The following COL4A1 variants were observed in gnomAD, a reference collection of about 807,000 sequenced individuals.
The protein encoded by COL4A1 is collagen type IV alpha 1 chain, also known as collagen alpha-1(IV) chain.
Under a neutral mutation model 216.6 loss-of-function variants are expected in COL4A1, and 40 were observed. The ratio of observed to expected loss-of-function variants is 0.18; its 90% CI spans 0.14 to 0.24. The LOEUF is 0.24. COL4A1 is among the 10% of genes least tolerant of loss of function. The pLI is 1.00. For missense variants in COL4A1, 1,628 were observed against 2,196.8 expected, an observed-to-expected ratio of 0.74 and a Z score of 5.18; for synonymous variants, 839 against 810.7, an observed-to-expected ratio of 1.03 and a Z score of -0.59.
At chr13:110,232,523 T>C (rs551165554) in intron 2 of COL4A1, among the ~76,000 whole-genome samples, 1 of 152,320 alleles carries the variant, frequency 6.6e-6, no homozygotes, top group East Asian at 1.9e-4. Flanking sequence ...GTTTGTTTTA[T>C]GTTAAGTCTT....
chr13:110,278,617 T>C (rs2139297513), intron 1 of COL4A1, among the ~76,000 whole-genome samples: 2 of 152,326 alleles, frequency 1.3e-5, no homozygotes, highest in South Asian at 4.1e-4. Context: ...TTAAAAAGGC[T>C]TTCCTCCCCA....
At position 110,203,599 on chromosome 13, in the gene COL4A1, C is replaced by T. The variant is rs372969177; in HGVS notation, c.966G>A (p.Lys322=). 3.5e-5 allele frequency: 57 copies of T among 1,614,190 alleles called. No homozygotes were observed. In the African/African-American group the frequency reaches 6.9e-4, roughly 20 times the overall value. Residue 322 remains lysine (K), a synonymous_variant, in exon 18 of 52, where the codon AAG becomes AAA. Coordinates refer to ENST00000375820, the MANE Select transcript of COL4A1 (RefSeq NM_001845.6). Reference sequence around the variant, plus strand: ...GTGGGCCAGGAGGACCTGCTTCACCCTTTTCTCCCTACAAAAGAAAAAATA... The same window carrying T: ...GTGGGCCAGGAGGACCTGCTTCACCTTTTTCTCCCTACAAAAGAAAAAATA... ...LIGRQGPQGE[K]GEAGPPGPPG... is the part of the protein sequence containing the mutation.
chr13:110,172,067 G>C (rs1047452027), intron 41 of COL4A1, among the ~76,000 whole-genome samples: 3 of 152,220 alleles, frequency 2.0e-5, no homozygotes, highest in Non-Finnish European at 4.4e-5. Context: ...GCCTTCCAGG[G>C]CTTTCTGAAT....
intron 1 of COL4A1, among the ~76,000 whole-genome samples, chr13:110,245,498 T>C (rs565730804): frequency 6.6e-6 from 1 of 152,234 alleles, no homozygotes; most frequent in African/African-American, 2.4e-5. Context: ...CCTGAAGTAG[T>C]GTGGATTTTC....
chr13:110,177,048 A>C lies in COL4A1; in HGVS notation c.2717-11T>G. 6.2e-7 allele frequency: 1 copy of C among 1,613,602 alleles called. No individual in the cohort carries two copies. The highest frequency in any genetic ancestry group is 8.5e-7 in the Non-Finnish European group (1 of 1,179,992). The stretch of plus-strand genomic sequence containing the variant: ...GAAAGCCATGGTCCCCTGCAGAGGA[A>C]AGAGAAGGCACTGGTGAGCCTGGGC... On this transcript the variant is annotated splice_polypyrimidine_tract_variant and intron_variant, in intron 33 of 51. Transcript: ENST00000375820.
At chr13:110,232,275 C>T (rs1881097713) in intron 2 of COL4A1, among the ~76,000 whole-genome samples, 1 of 152,218 alleles carries the variant, frequency 6.6e-6, no homozygotes, top group African/African-American at 2.4e-5. Context: ...GTCCCCAGAG[C>T]CATCTGGTTT....
At chr13:110,253,784 C>T (rs1413235169) in intron 1 of COL4A1, among the ~76,000 whole-genome samples, 3 of 89,154 alleles carry the variant, frequency 3.4e-5, no homozygotes, top group South Asian at 3.7e-4. Flanking sequence ...ATTATATATA[C>T]GTATAATTAT....
intron 1 of COL4A1, among the ~76,000 whole-genome samples, chr13:110,290,279 G>A (rs758404812): frequency 6.6e-6 from 1 of 152,182 alleles, no homozygotes; most frequent in Non-Finnish European, 1.5e-5. Flanking sequence ...ACAAGCGCTC[G>A]GCAGGCGGCT....
intron 32 of COL4A1, 51 bp from the exon 33 acceptor site, chr13:110,177,982 A>G (rs780508515): frequency 6.2e-7 from 1 of 1,613,968 alleles, no homozygotes; most frequent in South Asian, 1.1e-5. Flanking sequence ...GAATGCTGAC[A>G]GTAAATGCTG....
At chr13:110,228,765 C>T (rs552372177) in intron 2 of COL4A1, among the ~76,000 whole-genome samples, 4 of 152,196 alleles carry the variant, frequency 2.6e-5, no homozygotes, top group Non-Finnish European at 5.9e-5. Flanking sequence ...GAAATCAGAA[C>T]AGCTAGTTAA....
chr13:110,190,617 C>T (rs1032761590), intron 24 of COL4A1: 1 of 152,184 alleles, frequency 6.6e-6, no homozygotes, highest in Non-Finnish European at 1.5e-5. Context: ...CCTGTGTGCT[C>T]GTTTATGGAT....
intron 1 of COL4A1, among the ~76,000 whole-genome samples, chr13:110,280,859 C>T (rs183392593): frequency 1.1e-4 from 17 of 152,190 alleles, no homozygotes; most frequent in African/African-American, 2.4e-4. Flanking sequence ...GAAATACATC[C>T]GAGATCTGGC....
chr13:110,177,123 G>T, intron 33 of COL4A1, 86 bp from the exon 34 acceptor site: 1 of 1,589,822 alleles, frequency 6.3e-7, no homozygotes, highest in Non-Finnish European at 8.5e-7. Flanking sequence ...GACAGGGACA[G>T]CAGCTGGCAA....
chr13:110,169,773 A>G lies in COL4A1; in HGVS notation c.3743-11T>C, dbSNP rs1295893422. 6.2e-7 allele frequency: 1 copy of G among 1,613,766 alleles called. No individual in the cohort carries two copies. The highest frequency in any genetic ancestry group is 8.5e-7 in the Non-Finnish European group (1 of 1,180,010). On this transcript the variant is annotated splice_polypyrimidine_tract_variant and intron_variant, in intron 42 of 51. Coordinates refer to ENST00000375820, the MANE Select transcript of COL4A1 (RefSeq NM_001845.6). ...TGGGTCCCGGAAGTCCTAATGGAAG[A>G]GAAGAAAGCCACACATTTGGGGTTA... is the stretch of plus-strand genomic sequence containing the variant.
At chr13:110,193,627 C>T (rs570250309) in intron 22 of COL4A1, among the ~76,000 whole-genome samples, 19 of 152,350 alleles carry the variant, frequency 1.2e-4, no homozygotes, top group Admixed American at 3.9e-4. Context: ...GACATCGAGG[C>T]GGCGTGGCCA....
At chr13:110,265,584 C>A (rs4773135) in intron 1 of COL4A1, 23,721 of 152,212 alleles carry the variant, frequency 0.16, 2,188 homozygotes, top group Admixed American at 0.23. Context: ...CACAGCCCAG[C>A]CAACTGACTC....
intron 2 of COL4A1, among the ~76,000 whole-genome samples, chr13:110,232,679 C>A (rs766367125): frequency 6.6e-6 from 1 of 152,140 alleles, no homozygotes; most frequent in Non-Finnish European, 1.5e-5. Flanking sequence ...GGTGCTGGGC[C>A]ACACCAATGA....
At chr13:110,291,346 G>A (rs1884080028) in intron 1 of COL4A1, among the ~76,000 whole-genome samples, 1 of 152,276 alleles carries the variant, frequency 6.6e-6, no homozygotes. Flanking sequence ...AGGAGGCAAT[G>A]GCGAGGGAGC....
intron 1 of COL4A1, 46 bp from the exon 2 acceptor site, chr13:110,242,780 G>A: frequency 2.5e-6 from 4 of 1,596,744 alleles, no homozygotes; most frequent in Non-Finnish European, 3.4e-6. Context: ...CACTTTCAAA[G>A]CGAGGGCACT....
Sources: gnomAD v4.1 joint callset for allele counts (sites outside exome capture counted in the v4.1 genomes callset) on GRCh38, gnomAD v4.1.1 for gene constraint, MANE v1.5 for transcripts, NCBI Gene and HGNC (gene_info 2026-07-23, HGNC 2026-07-21) for gene names.